The following CORO2B variants were observed in gnomAD, a reference collection of about 807,000 sequenced individuals.
CORO2B encodes coronin 2B.
CORO2B carries 26 observed loss-of-function variants against 58.8 expected under a neutral mutation model. The ratio of observed to expected loss-of-function variants is 0.44; its 90% CI spans 0.32 to 0.61. The LOEUF is 0.61. Ranked by LOEUF, CORO2B falls within the 20% of genes least tolerant of loss-of-function variation. The probability of loss-of-function intolerance (pLI) is 0.04; values close to 1 mark genes in which losing one functional copy is unlikely to be tolerated. For missense variants in CORO2B, 460 were observed against 645.1 expected (o/e 0.71, Z 3.11); for synonymous variants, 242 against 253.8 (o/e 0.95, Z 0.44).
At chr15:68,635,818 G>A (rs6494757) in intron 1 of CORO2B, among the ~76,000 whole-genome samples, 7,530 of 152,228 alleles carry the variant, frequency 0.049, 328 homozygotes, top group Middle Eastern at 0.13. Flanking sequence ...GACTCTTGTA[G>A]GCCTTGAGGC....
intron 1 of CORO2B, among the ~76,000 whole-genome samples, chr15:68,636,015 G>A (rs2140264625): frequency 6.6e-6 from 1 of 152,338 alleles, no homozygotes; most frequent in Non-Finnish European, 1.5e-5. Context: ...CTCGGTGACA[G>A]CTCTGAATCA....
chr15:68,715,444 C>A (rs529795102), intron 8 of CORO2B, 133 bp downstream of exon 8: 37 of 643,348 alleles, frequency 5.8e-5, no homozygotes, highest in Non-Finnish European at 9.4e-5. Flanking sequence ...TGGAACAGAA[C>A]CTGCAAGAGC....
chr15:68,581,568 G>T (rs1351542912), intron 1 of CORO2B, among the ~76,000 whole-genome samples: 2 of 152,138 alleles, frequency 1.3e-5, no homozygotes, highest in Admixed American at 6.5e-5. Context: ...TTGGGCCTCT[G>T]TTTTTCTATT....
At chr15:68,616,544 A>G in intron 1 of CORO2B, 1 of 985,372 alleles carries the variant, frequency 1.0e-6, no homozygotes, top group Non-Finnish European at 1.2e-6. Flanking sequence ...ATCCAGATTC[A>G]AACCGCCTGC....
intron 1 of CORO2B, among the ~76,000 whole-genome samples, chr15:68,608,615 C>G (rs1900179718): frequency 6.6e-6 from 1 of 152,192 alleles, no homozygotes. Context: ...GATGAGAGAC[C>G]TGTGGGTCAG....
At chr15:68,666,397 G>A (rs1335829864) in intron 2 of CORO2B, among the ~76,000 whole-genome samples, 1 of 152,216 alleles carries the variant, frequency 6.6e-6, no homozygotes, top group East Asian at 1.9e-4. Flanking sequence ...TCTCAGATGA[G>A]AGGAGGCAAA....
At chr15:68,649,074 T>C (rs1901550223) in intron 2 of CORO2B, among the ~76,000 whole-genome samples, 1 of 152,256 alleles carries the variant, frequency 6.6e-6, no homozygotes, top group Non-Finnish European at 1.5e-5. Context: ...TCTCAATTTC[T>C]GTAATGGTAA....
At chr15:68,643,014 C>T (rs1321545823) in intron 1 of CORO2B, among the ~76,000 whole-genome samples, 1 of 152,168 alleles carries the variant, frequency 6.6e-6, no homozygotes, top group East Asian at 1.9e-4. Flanking sequence ...ACCAACCACC[C>T]ATACTGTATT....
At chr15:68,579,338 C>A in intron 1 of CORO2B, 61 bp downstream of exon 1, 3 of 1,238,794 alleles carry the variant, frequency 2.4e-6, no homozygotes, top group Non-Finnish European at 2.0e-6. Context: ...CCGGGCTAGG[C>A]TGCGGGGGGC....
intron 2 of CORO2B, among the ~76,000 whole-genome samples, chr15:68,667,083 T>G (rs755123801): frequency 6.6e-6 from 1 of 152,010 alleles, no homozygotes; most frequent in Non-Finnish European, 1.5e-5. Flanking sequence ...CTGATCTCCC[T>G]TCACTCTCAT....
At chr15:68,641,690 C>G (rs1350183000) in intron 1 of CORO2B, 3 of 585,982 alleles carry the variant, frequency 5.1e-6, no homozygotes, top group South Asian at 7.5e-5. Context: ...TCCTCCCAAG[C>G]CCTTGGAGGT....
At chr15:68,640,292 C>G (rs1318330691) in intron 1 of CORO2B, among the ~76,000 whole-genome samples, 1 of 152,182 alleles carries the variant, frequency 6.6e-6, no homozygotes, top group African/African-American at 2.4e-5. Flanking sequence ...ATTCCCCCTG[C>G]CCTCTCCTCT....
chr15:68,589,130 C>T (rs888336107), intron 1 of CORO2B, among the ~76,000 whole-genome samples: 9 of 152,254 alleles, frequency 5.9e-5, no homozygotes, highest in Admixed American at 3.9e-4. Flanking sequence ...TTAAACTGAC[C>T]TTTTCAGGGT....
At chr15:68,537,485 C>A in the CORO2B span, among the ~76,000 whole-genome samples, 4 of 152,134 alleles carry the variant, frequency 2.6e-5, no homozygotes, top group South Asian at 4.2e-4. Flanking sequence ...AGTTTTGGGA[C>A]CTTTTTGCTA....
chr15:68,568,743 T>C, the CORO2B span, among the ~76,000 whole-genome samples: 363 of 152,258 alleles, frequency 2.4e-3, 18 homozygotes, highest in East Asian at 0.06. Context: ...ACAATAAAAT[T>C]GAGCAGAAAA....
chr15:68,601,064 C>G (rs1478960033), intron 1 of CORO2B, among the ~76,000 whole-genome samples: 1 of 152,158 alleles, frequency 6.6e-6, no homozygotes, highest in African/African-American at 2.4e-5. Flanking sequence ...TGTGTGCCTC[C>G]CTCGATGGGG....
At chr15:68,718,541 G>A (rs1893084444) in intron 8 of CORO2B, among the ~76,000 whole-genome samples, 157 bp from the exon 9 acceptor site, 1 of 152,180 alleles carries the variant, frequency 6.6e-6, no homozygotes, top group South Asian at 2.1e-4. Flanking sequence ...GAGACTGATT[G>A]AAGGCGCCCC....
intron 2 of CORO2B, among the ~76,000 whole-genome samples, chr15:68,690,427 C>G (rs1387077184): frequency 1.3e-5 from 2 of 152,118 alleles, no homozygotes; most frequent in Non-Finnish European, 2.9e-5. Flanking sequence ...AAATATTAGA[C>G]ATGGCCTACT....
At chr15:68,666,980 G>A (rs1255649031) in intron 2 of CORO2B, among the ~76,000 whole-genome samples, 1 of 152,118 alleles carries the variant, frequency 6.6e-6, no homozygotes, top group East Asian at 1.9e-4. Context: ...TGGGCAGTGA[G>A]AGGATCTGTG....
Sources: allele counts gnomAD v4.1 joint callset (sites outside exome capture counted in the v4.1 genomes callset), GRCh38; gene constraint gnomAD v4.1.1; transcripts MANE v1.5; gene names NCBI Gene and HGNC (gene_info 2026-07-23, HGNC 2026-07-21).